NALF1: variants seen among roughly 807,000 people sequenced by gnomAD.
NALF1 encodes family with sequence similarity 155 member A.
NALF1 carries 3 observed loss-of-function variants against 48.4 expected under a neutral mutation model. The ratio of observed to expected loss-of-function variants is 0.06; its 90% CI spans 0.03 to 0.16. NALF1 has a LOEUF of 0.16. Ranked by LOEUF, NALF1 falls within the 10% of genes least tolerant of loss-of-function variation. The pLI, the probability that NALF1 is intolerant of heterozygous loss-of-function variation, is 1.00. For synonymous variants in NALF1, 262 were observed against 245.7 expected (o/e 1.07, Z -0.62); for missense variants, 526 against 571.5 (o/e 0.92, Z 0.81).
intron 1 of NALF1, among the ~76,000 whole-genome samples, chr13:107,638,201 A>ATATATATATATATATATG (rs372122331): frequency 1.2e-4 from 13 of 110,846 alleles, no homozygotes; most frequent in Admixed American, 5.4e-4. Context: ...ATATATATAT[A>ATATATATATATATATATG]TATATAATTT....
At chr13:107,411,813 G>A (rs970396989) in intron 1 of NALF1, among the ~76,000 whole-genome samples, 8 of 152,132 alleles carry the variant, frequency 5.3e-5, no homozygotes, top group African/African-American at 1.9e-4. Context: ...TTGAGACCAG[G>A]ACCCGGTAAA....
chr13:107,198,451 T>C (rs1879438752), intron 2 of NALF1, among the ~76,000 whole-genome samples: 1 of 152,266 alleles, frequency 6.6e-6, no homozygotes, highest in African/African-American at 2.4e-5. Context: ...ATTATCATCC[T>C]CTAAATCCTG....
At chr13:107,705,691 A>T (rs1373736379) in intron 1 of NALF1, among the ~76,000 whole-genome samples, 1 of 152,192 alleles carries the variant, frequency 6.6e-6, no homozygotes, top group Non-Finnish European at 1.5e-5. Context: ...GATTTGTTCC[A>T]AAGCCAGGAT....
intron 1 of NALF1, among the ~76,000 whole-genome samples, chr13:107,513,664 CT>C (rs762404404): frequency 3.6e-4 from 55 of 152,294 alleles, no homozygotes; most frequent in Non-Finnish European, 7.2e-4. Flanking sequence ...CACAGATTCT[CT>C]TTTTCACATT....
chr13:107,636,220 G>A (rs1029577415), intron 1 of NALF1, among the ~76,000 whole-genome samples: 10 of 152,018 alleles, frequency 6.6e-5, no homozygotes, highest in Non-Finnish European at 1.2e-4. Flanking sequence ...TACATCACAC[G>A]GCCGAATTAT....
At chr13:107,318,743 T>C (rs1454007388) in intron 1 of NALF1, among the ~76,000 whole-genome samples, 1 of 152,058 alleles carries the variant, frequency 6.6e-6, no homozygotes, top group Non-Finnish European at 1.5e-5. Flanking sequence ...GGCAAGACTA[T>C]GCACAAGAAT....
intron 1 of NALF1, among the ~76,000 whole-genome samples, chr13:107,293,069 C>T (rs1881657232): frequency 6.7e-6 from 1 of 149,152 alleles, no homozygotes; most frequent in Admixed American, 6.8e-5. Context: ...CAAGCTCTGC[C>T]TCCTGGGTTC....
chr13:107,532,354 T>C (rs1022336493), intron 1 of NALF1, among the ~76,000 whole-genome samples: 1 of 152,132 alleles, frequency 6.6e-6, no homozygotes, highest in Non-Finnish European at 1.5e-5. Flanking sequence ...TTCCCTTGGC[T>C]GAGCTCTCAT....
chr13:107,585,612 G>T (rs962245729), intron 1 of NALF1, among the ~76,000 whole-genome samples: 1 of 152,146 alleles, frequency 6.6e-6, no homozygotes, highest in Non-Finnish European at 1.5e-5. Context: ...GCACCTTCTG[G>T]ATGGCGGCTC....
intron 1 of NALF1, among the ~76,000 whole-genome samples, chr13:107,792,819 G>A (rs558775136): frequency 6.6e-6 from 1 of 151,984 alleles, no homozygotes; most frequent in African/African-American, 2.4e-5. Context: ...TTGTTTGTTT[G>A]TTTGTTTAGA....
chr13:107,831,096 A>G, intron 1 of NALF1, among the ~76,000 whole-genome samples: 1 of 152,204 alleles, frequency 6.6e-6, no homozygotes, highest in East Asian at 1.9e-4. Flanking sequence ...AGAAACACAT[A>G]AATCAAGAAG....
At chr13:107,610,123 G>T (rs976330937) in intron 1 of NALF1, among the ~76,000 whole-genome samples, 7 of 152,164 alleles carry the variant, frequency 4.6e-5, no homozygotes, top group Non-Finnish European at 1.0e-4. Flanking sequence ...TGAGGATAAA[G>T]ATATGGGGAA....
intron 1 of NALF1, among the ~76,000 whole-genome samples, chr13:107,793,789 C>A (rs984600560): frequency 2.6e-5 from 4 of 152,092 alleles, no homozygotes; most frequent in Admixed American, 1.3e-4. Flanking sequence ...CACAAATAAA[C>A]CCACTTCAAC....
chr13:107,327,943 C>T (rs899083498), intron 1 of NALF1, among the ~76,000 whole-genome samples: 5 of 151,396 alleles, frequency 3.3e-5, no homozygotes, highest in East Asian at 1.9e-4. Context: ...TTTTTTAAGA[C>T]AGGATATCAC....
At chr13:107,337,631 C>T (rs904163252) in intron 1 of NALF1, among the ~76,000 whole-genome samples, 7 of 152,102 alleles carry the variant, frequency 4.6e-5, no homozygotes, top group Non-Finnish European at 8.8e-5. Context: ...CTATTTGAGG[C>T]CATTATTGTA....
At chr13:107,371,520 C>T (rs951604449) in intron 1 of NALF1, among the ~76,000 whole-genome samples, 2 of 152,152 alleles carry the variant, frequency 1.3e-5, no homozygotes, top group South Asian at 4.2e-4. Flanking sequence ...AAATATAAAA[C>T]AGCAAAGGTG....
intron 1 of NALF1, among the ~76,000 whole-genome samples, chr13:107,298,367 A>AAAAAAAAAAAAAAAAAAAAAAAAC (rs1881766802): frequency 6.7e-6 from 1 of 149,038 alleles, no homozygotes; most frequent in Non-Finnish European, 1.5e-5. Context: ...AAAAAAAAAA[A>AAAAAAAAAAAAAAAAAAAAAAAAC]AAAAAAAAAA....
At chr13:107,180,089 T>C (rs1415707758) in intron 2 of NALF1, among the ~76,000 whole-genome samples, 3 of 151,408 alleles carry the variant, frequency 2.0e-5, no homozygotes, top group Non-Finnish European at 4.4e-5. Context: ...ATATCTCATG[T>C]ACCCCATAAA....
intron 2 of NALF1, among the ~76,000 whole-genome samples, chr13:107,176,844 A>G (rs1878949522): frequency 6.6e-6 from 1 of 152,034 alleles, no homozygotes; most frequent in Non-Finnish European, 1.5e-5. Flanking sequence ...TTGGAAAAGA[A>G]TAAGTCAAAT....
Sources: gnomAD v4.1 joint callset for allele counts (sites outside exome capture counted in the v4.1 genomes callset) on GRCh38, gnomAD v4.1.1 for gene constraint, MANE v1.5 for transcripts, NCBI Gene and HGNC (gene_info 2026-07-23, HGNC 2026-07-21) for gene names.